SPINK5: variants seen among roughly 807,000 people sequenced by gnomAD.
SPINK5 encodes the protein serine peptidase inhibitor Kazal type 5.
A neutral mutation model predicts 151.8 loss-of-function variants in SPINK5; 125 were observed. That is an observed-to-expected ratio of 0.82 (90% CI 0.71 to 0.96). The LOEUF is 0.96. Ranked by LOEUF, SPINK5 falls within the 40% of genes least tolerant of loss-of-function variation. The probability of loss-of-function intolerance (pLI) is 0.00; values close to 1 mark genes in which losing one functional copy is unlikely to be tolerated. For synonymous variants in SPINK5, 374 were observed against 395.3 expected (o/e 0.95, Z 0.64); for missense variants, 1,194 against 1,291.9 (o/e 0.92, Z 1.16).
chr5:148,069,240 ATAATATTTAATATTATTTAT>A (rs1187643236), intron 2 of SPINK5, among the ~76,000 whole-genome samples: 11 of 151,846 alleles, frequency 7.2e-5, no homozygotes, highest in East Asian at 1.9e-4. Context: ...GACTTTAATA[ATAATATTTAATATTATTTAT>A]TAATATTTAA....
chr5:148,092,252 G>C (rs539692776), intron 8 of SPINK5, among the ~76,000 whole-genome samples: 2 of 151,964 alleles, frequency 1.3e-5, no homozygotes, highest in South Asian at 4.2e-4. Flanking sequence ...CCTTCAGTTC[G>C]TAATGCTTAT....
In SPINK5 at chr5:148,067,644, A is replaced by G. The variant is rs114942549; in HGVS notation, c.81+2272A>G. 2.6e-3 allele frequency among the ~76,000 whole-genome samples: 396 copies of G among 152,298 alleles called. 1 individual carries two copies. The highest frequency in any genetic ancestry group is 8.9e-3 in the African/African-American group (371 of 41,574). Reference sequence around the variant, plus strand: ...CATCTTAACTAATTAATCACTGTGAACAAATTTCTTAACCTATTATTTGGG... The same window carrying G: ...CATCTTAACTAATTAATCACTGTGAGCAAATTTCTTAACCTATTATTTGGG... On this transcript the variant is annotated intron_variant, in intron 2 of 32. Transcript: ENST00000256084.
intron 5 of SPINK5, among the ~76,000 whole-genome samples, chr5:148,087,104 TTTA>T (rs1753181226): frequency 1.3e-5 from 2 of 151,070 alleles, no homozygotes; most frequent in African/African-American, 2.5e-5. Flanking sequence ...TCAAATTATG[TTTA>T]TTAAGTGCTT....
chr5:148,070,463 T>A lies in SPINK5; in HGVS notation c.209+13T>A. 6.2e-7 allele frequency: 1 copy of A among 1,610,594 alleles called. No individual in the cohort carries two copies. Among genetic ancestry groups the A allele is most frequent in the Non-Finnish European group, 8.5e-7 (1 of 1,177,680 alleles). ...GCAAAATGATACTGTGAGTAAAGGT[T>A]TCTTTCTTTCTTTCCAATGTTTGAG... On this transcript the variant is annotated intron_variant, in intron 3 of 32. Transcript: ENST00000256084.
At chr5:148,113,058 G>C in intron 20 of SPINK5, 124 bp downstream of exon 20, 1 of 1,481,616 alleles carries the variant, frequency 6.7e-7, no homozygotes, top group Non-Finnish European at 9.1e-7. Context: ...TAGTCCAGGG[G>C]TTGAGAAACT....
Position 148,108,805 on chromosome 5 carries a change from G to A in SPINK5, c.1660G>A (p.Glu554Lys), listed in dbSNP as rs374599097. ...TGATAAAGAAGAAAAAGGGAAAGTC[G>A]AGGCTGAAAAAGTTAAGAGAGAAGC... ...KNDKEEKGKV[E>K]AEKVKREAVQ... The change falls in exon 18 of 33, where the codon GAG (glutamate) becomes AAG (lysine). Residue 554 changes from glutamate to lysine, a missense_variant. Physicochemically the swap from Glu to Lys is moderately conservative, Grantham distance 56 (BLOSUM62 1). Coordinates refer to ENST00000256084, the MANE Select transcript of SPINK5 (RefSeq NM_006846.4). 68 of 1,612,292 alleles carry A rather than the reference G, an allele frequency of 4.2e-5. No individual in the cohort carries two copies. The East Asian group carries it at 1.2e-3, about 28-fold the overall frequency.
intron 20 of SPINK5, 121 bp from the exon 21 acceptor site, chr5:148,114,241 A>AG: frequency 9.1e-7 from 1 of 1,100,122 alleles, no homozygotes; most frequent in Non-Finnish European, 1.2e-6. Context: ...TAACTGCCAG[A>AG]AAAAAAATTC....
intron 22 of SPINK5, among the ~76,000 whole-genome samples, chr5:148,117,738 G>A (rs942202787): frequency 9.2e-5 from 14 of 152,136 alleles, no homozygotes; most frequent in African/African-American, 3.1e-4. Flanking sequence ...CATATATGGA[G>A]GGCTAACTTT....
At chr5:148,107,518 T>C (rs1187697983) in intron 17 of SPINK5, among the ~76,000 whole-genome samples, 1 of 152,148 alleles carries the variant, frequency 6.6e-6, no homozygotes, top group Non-Finnish European at 1.5e-5. Context: ...TGTTAGTCTA[T>C]TCAGATAGGA....
chr5:148,077,637 G>GTGTATA, intron 4 of SPINK5, among the ~76,000 whole-genome samples: 1 of 135,066 alleles, frequency 7.4e-6, no homozygotes, highest in South Asian at 2.3e-4. Flanking sequence ...GTTTTATCAG[G>GTGTATA]TATATATATA....
chr5:148,071,217 T>A (rs747819497), intron 3 of SPINK5, among the ~76,000 whole-genome samples: 1 of 152,140 alleles, frequency 6.6e-6, no homozygotes, highest in Non-Finnish European at 1.5e-5. Context: ...AAGCCAATAC[T>A]GAGCTTACCC....
chr5:148,098,839 A>T (rs4705054), intron 11 of SPINK5, among the ~76,000 whole-genome samples: 34,185 of 151,880 alleles, frequency 0.23, 5,294 homozygotes, highest in East Asian at 0.43. Context: ...TCTACCTCTC[A>T]TCTTCTCTGA....
intron 31 of SPINK5, among the ~76,000 whole-genome samples, 174 bp downstream of exon 31, chr5:148,131,563 G>A (rs912703779): frequency 1.3e-5 from 2 of 152,118 alleles, no homozygotes; most frequent in Non-Finnish European, 2.9e-5. Flanking sequence ...AAATAGAAAA[G>A]ATTTAAGGCT....
At chr5:148,111,129 A>G (rs1269813253) in intron 18 of SPINK5, among the ~76,000 whole-genome samples, 1 of 151,510 alleles carries the variant, frequency 6.6e-6, no homozygotes, top group African/African-American at 2.4e-5. Context: ...GCAGGCGACA[A>G]TCCATCTCTT....
At chr5:148,101,663 T>C (rs1299711932) in intron 14 of SPINK5, 118 bp from the exon 15 acceptor site, 41 of 1,492,240 alleles carry the variant, frequency 2.7e-5, no homozygotes, top group Non-Finnish European at 3.5e-5. Flanking sequence ...AAGTTAATCA[T>C]TCTAAAATAA....
chr5:148,094,521 T>TG (rs1260272743), intron 9 of SPINK5, 40 bp downstream of exon 9: 1 of 1,611,128 alleles, frequency 6.2e-7, no homozygotes, highest in Admixed American at 1.7e-5. Context: ...ATTCAAAGGG[T>TG]GGGAGTGGAG....
At chr5:148,072,328 C>A in intron 4 of SPINK5, 108 bp downstream of exon 4, 1 of 1,182,768 alleles carries the variant, frequency 8.5e-7, no homozygotes, top group Non-Finnish European at 1.2e-6. Flanking sequence ...TTGAAGCCAA[C>A]AACTTAGGAG....
intron 2 of SPINK5, 93 bp downstream of exon 2, chr5:148,065,465 A>C: frequency 7.6e-7 from 1 of 1,319,144 alleles, no homozygotes; most frequent in Non-Finnish European, 1.1e-6. Flanking sequence ...TAATACAAAC[A>C]TATTATACTG....
chr5:148,087,521 A>C (rs1249324524), intron 5 of SPINK5, among the ~76,000 whole-genome samples: 2 of 151,872 alleles, frequency 1.3e-5, no homozygotes. Context: ...TCAGAAATTC[A>C]CTTTAAAATT....
Sources: allele counts gnomAD v4.1 joint callset (sites outside exome capture counted in the v4.1 genomes callset), GRCh38; gene constraint gnomAD v4.1.1; transcripts MANE v1.5; gene names NCBI Gene and HGNC (gene_info 2026-07-23, HGNC 2026-07-21).